Variants in LDB2 observed in about 807,000 individuals in gnomAD.
LDB2 encodes the protein LIM domain binding 2, also known as LIM domain-binding protein 2.
Under a neutral mutation model 44.3 loss-of-function variants are expected in LDB2, and 12 were observed. The observed-to-expected ratio is 0.27, with a 90% confidence interval of 0.17 to 0.44. The LOEUF (loss-of-function observed/expected upper bound fraction) is 0.44. Among genes scored for constraint, LDB2 ranks in the 20% least tolerant of loss-of-function variants. LDB2 has a pLI of 1.00. For missense variants in LDB2, 344 were observed against 473.5 expected, an observed-to-expected ratio of 0.73 and a Z score of 2.54; for synonymous variants, 164 against 174.8, an observed-to-expected ratio of 0.94 and a Z score of 0.49.
intron 5 of LDB2, among the ~76,000 whole-genome samples, chr4:16,534,872 C>T (rs1003788610): frequency 2.0e-5 from 3 of 152,266 alleles, no homozygotes; most frequent in African/African-American, 7.2e-5. Context: ...CCTGAGGTCT[C>T]TCAGCTCAGG....
At chr4:16,719,139 A>G (rs1365243640) in intron 2 of LDB2, among the ~76,000 whole-genome samples, 4 of 151,968 alleles carry the variant, frequency 2.6e-5, no homozygotes, top group African/African-American at 9.7e-5. Flanking sequence ...AACAACTTTT[A>G]TAAATTGCTT....
intron 2 of LDB2, among the ~76,000 whole-genome samples, chr4:16,658,070 T>A (rs1176645767): frequency 6.6e-6 from 1 of 152,192 alleles, no homozygotes; most frequent in Non-Finnish European, 1.5e-5. Context: ...AACTTGATGA[T>A]GTTGTAAGCA....
At chr4:16,873,370 G>C (rs1336210394) in intron 1 of LDB2, among the ~76,000 whole-genome samples, 1 of 152,070 alleles carries the variant, frequency 6.6e-6, no homozygotes. Context: ...AAATGGAGTG[G>C]GCTGCCTATC....
rs11934020 is a variant in LDB2, at chr4:16,807,154, T to C, written c.133-47894A>G. On this transcript the variant is annotated intron_variant, in intron 1 of 7. Coordinates refer to ENST00000304523, the MANE Select transcript of LDB2 (RefSeq NM_001290.5). ...AGCCAATCCTAAGATATATGTATAA[T>C]TTCATCGCCATCTCATCTGGAGAAT... Among the ~76,000 whole-genome samples, 291 of 152,292 alleles carry C rather than the reference T, an allele frequency of 1.9e-3. 2 individuals are homozygous for C. The highest frequency in any genetic ancestry group is 6.8e-3 in the African/African-American group (283 of 41,568).
Position 16,624,045 on chromosome 4 carries a change from C to T in LDB2, c.236-28170G>A, listed in dbSNP as rs965312244. On this transcript the variant is annotated intron_variant, in intron 2 of 7. Transcript: ENST00000304523. ...TGCCAGTTCTAGCTTCACAAAGGTA[C>T]CAGTACCATTATTGTTATTACAAAT... 2.0e-5 allele frequency among the ~76,000 whole-genome samples: 3 copies of T among 152,140 alleles called. No individual in the cohort carries two copies. In the East Asian group the frequency reaches 5.8e-4, roughly 29 times the overall value.
intron 1 of LDB2, among the ~76,000 whole-genome samples, chr4:16,790,755 T>G (rs1775535199): frequency 6.6e-6 from 1 of 152,218 alleles, no homozygotes; most frequent in Non-Finnish European, 1.5e-5. Context: ...CATCTGAGAT[T>G]TCCAGTTCTT....
intron 2 of LDB2, among the ~76,000 whole-genome samples, chr4:16,736,452 C>A (rs961880155): frequency 1.3e-5 from 2 of 152,174 alleles, no homozygotes. Flanking sequence ...TTGTCTAATA[C>A]CTAATCTAAT....
Position 16,898,567 on chromosome 4 carries a change from C to T in LDB2, c.-82G>A. The T allele has an allele frequency of 2.1e-6, 3 of 1,435,224 alleles. No homozygotes were observed. The highest frequency in any genetic ancestry group is 3.6e-4 in the Middle Eastern group (2 of 5,484). The allele number at this position is 1,435,224 out of a possible 1,614,324, so 88.9% of individuals were successfully genotyped here. The stretch of plus-strand genomic sequence containing the variant: ...CACATGGGCTGTGTTCTTCCCAGTA[C>T]AAAGTAGACGCACGCACACACGCTC... On this transcript the variant is annotated 5_prime_UTR_variant, in exon 1 of 8. Transcript: ENST00000304523.
intron 4 of LDB2, among the ~76,000 whole-genome samples, chr4:16,586,487 TACACACACACACACACAC>T (rs5856368): frequency 2.3e-5 from 3 of 128,836 alleles, no homozygotes; most frequent in African/African-American, 5.7e-5. Context: ...TGTCTTGAAA[TACACACACACACACACAC>T]ACACACACAC....
chr4:16,624,430 A>G (rs1399895165), intron 2 of LDB2, among the ~76,000 whole-genome samples: 1 of 152,156 alleles, frequency 6.6e-6, no homozygotes, highest in Non-Finnish European at 1.5e-5. Flanking sequence ...ATAAATAAAC[A>G]AAAAATAAAA....
intron 1 of LDB2, among the ~76,000 whole-genome samples, chr4:16,787,898 G>A (rs908385209): frequency 6.6e-6 from 1 of 152,136 alleles, no homozygotes; most frequent in East Asian, 1.9e-4. Context: ...AGAAAGGGAA[G>A]TCAGGACCCA....
At chr4:16,896,738 C>T (rs978957243) in intron 1 of LDB2, among the ~76,000 whole-genome samples, 2 of 152,154 alleles carry the variant, frequency 1.3e-5, no homozygotes, top group African/African-American at 4.8e-5. Flanking sequence ...AACTATAAGA[C>T]ATTTTCTATC....
Position 16,502,526 on chromosome 4 carries a change from A to G in LDB2, c.*117T>C, listed in dbSNP as rs1717782529. On this transcript the variant is annotated 3_prime_UTR_variant, in exon 8 of 8. Transcript: ENST00000304523. ...AAAATCAGATCATTGTGGTTTAGAA[A>G]TAGATATTTGCATGGAAAAGTTTTT... 3.8e-6 allele frequency: 5 copies of G among 1,304,450 alleles called. No homozygotes were observed. Among genetic ancestry groups the G allele is most frequent in the South Asian group, 1.4e-5 (1 of 73,636 alleles). 80.8% of individuals were successfully genotyped at this position (1,304,450 alleles called of 1,614,324 possible).
rs1715082048 is a variant in LDB2, at chr4:16,582,453, A to G, written c.615+3469T>C. Among the ~76,000 whole-genome samples the G allele has an allele frequency of 6.6e-6, 1 of 152,206 alleles. No individual in the cohort carries two copies. The highest frequency in any genetic ancestry group is 6.5e-5 in the Admixed American group (1 of 15,280). On this transcript the variant is annotated intron_variant, in intron 5 of 7. Transcript: ENST00000304523. The surrounding 1 kb of genome is among the most constrained non-coding windows in gnomAD (Gnocchi z 4.8). ...CTTCCCAACAAACAAGGCAAAGGAC[A>G]CATTTCCGAGTTCCTGGCTTGCTTC...
At chr4:16,604,859 T>C (rs1265610656) in intron 2 of LDB2, among the ~76,000 whole-genome samples, 1 of 152,224 alleles carries the variant, frequency 6.6e-6, no homozygotes, top group Non-Finnish European at 1.5e-5. Flanking sequence ...GTATAAACCT[T>C]ACTTTCTCTT....
intron 2 of LDB2, among the ~76,000 whole-genome samples, chr4:16,724,656 T>C (rs896637984): frequency 3.9e-5 from 6 of 152,174 alleles, no homozygotes; most frequent in African/African-American, 1.4e-4. Flanking sequence ...TTCTGAGCCA[T>C]GTCAATACTT....
At chr4:16,848,649 TC>T (rs1242747270) in intron 1 of LDB2, among the ~76,000 whole-genome samples, 2 of 152,118 alleles carry the variant, frequency 1.3e-5, no homozygotes, top group Non-Finnish European at 2.9e-5. Context: ...AATAACCTTC[TC>T]CCCATACTTT....
At chr4:16,869,711 T>C (rs1715878522) in intron 1 of LDB2, among the ~76,000 whole-genome samples, 1 of 152,196 alleles carries the variant, frequency 6.6e-6, no homozygotes, top group African/African-American at 2.4e-5. Flanking sequence ...GTTACGAGCT[T>C]CTTACGTCAC....
Position 16,819,164 on chromosome 4 carries a change from G to A in LDB2, c.133-59904C>T, listed in dbSNP as rs182380741. On this transcript the variant is annotated intron_variant, in intron 1 of 7. Transcript: ENST00000304523. Reference sequence around the variant, plus strand: ...TCATACAAGTGCATTTCTTGCTATAGGTTACAGATAGAAAAGTGTGAAGGC... The same window carrying A: ...TCATACAAGTGCATTTCTTGCTATAAGTTACAGATAGAAAAGTGTGAAGGC... 1.1e-3 allele frequency among the ~76,000 whole-genome samples: 162 copies of A among 151,442 alleles called. 1 individual carries two copies. Among genetic ancestry groups the A allele is most frequent in the African/African-American group, 3.8e-3 (156 of 41,280 alleles).
Sources: allele counts gnomAD v4.1 joint callset (sites outside exome capture counted in the v4.1 genomes callset), GRCh38; gene constraint gnomAD v4.1.1; non-coding constraint Gnocchi (gnomAD v3.1); transcripts MANE v1.5; gene names NCBI Gene and HGNC (gene_info 2026-07-23, HGNC 2026-07-21).